The following PCDHA4 variants were observed in gnomAD, a reference collection of about 807,000 sequenced individuals.
PCDHA4 encodes the protein protocadherin alpha-4.
PCDHA4 carries 49 observed loss-of-function variants against 61.4 expected under a neutral mutation model. That is an observed-to-expected ratio of 0.80 (90% CI 0.63 to 1.01). The LOEUF is 1.01. Ranked by LOEUF, PCDHA4 falls within the 50% of genes least tolerant of loss-of-function variation. The pLI is 0.00. For synonymous variants in PCDHA4, 590 were observed against 550.3 expected (o/e 1.07, Z -1.01); for missense variants, 1,254 against 1,235.8 (o/e 1.01, Z -0.22).
chr5:140,807,584 T>G lies in PCDHA4; in HGVS notation c.397T>G (p.Phe133Val), dbSNP rs76522243. The G allele has an allele frequency of 7.3e-5, 118 of 1,614,014 alleles. No individual in the cohort carries two copies. Among genetic ancestry groups the G allele is most frequent in the Non-Finnish European group, 1.0e-4 (118 of 1,180,038 alleles). Residue 133 changes from phenylalanine to valine, a missense_variant, in exon 1 of 4, where the codon TTC becomes GTC. Transcript: ENST00000530339. ...GGACATTAACGATAACCCGCCGGTGTTCCCAGCAACACAAAAGAACCTGTC... is the reference window on the plus strand; with the variant it reads ...GGACATTAACGATAACCCGCCGGTGGTCCCAGCAACACAAAAGAACCTGTC... ...VRDINDNPPV[F>V]PATQKNLSIA...
chr5:140,882,189 T>C, intron 1 of PCDHA4: 2 of 1,519,304 alleles, frequency 1.3e-6, no homozygotes, highest in Admixed American at 2.2e-5. Flanking sequence ...TAGGAAGCCA[T>C]AAAAATTGGG....
At chr5:140,982,191 T>G (rs1431582069) in intron 2 of PCDHA4, among the ~76,000 whole-genome samples, 1 of 152,266 alleles carries the variant, frequency 6.6e-6, no homozygotes, top group African/African-American at 2.4e-5. Context: ...ATGGGCTTCC[T>G]GTTAGATTTA....
Position 140,857,332 on chromosome 5 carries a change from C to T in PCDHA4, c.2385+47760C>T, listed in dbSNP as rs782461373. The stretch of plus-strand genomic sequence containing the variant: ...ATGAGCTGGTGGTGACCGCGCGGGA[C>T]GGGGGCTCGCCTCCGCTGTGGGCCA... On this transcript the variant is annotated intron_variant, in intron 1 of 3. Transcript: ENST00000530339. The T allele has an allele frequency of 1.9e-5, 30 of 1,598,216 alleles. No homozygotes were observed. In the South Asian group the frequency reaches 2.0e-4, roughly 11 times the overall value.
At chr5:140,862,800 G>T (rs782261222) in intron 1 of PCDHA4, 1 of 575,550 alleles carries the variant, frequency 1.7e-6, no homozygotes, top group African/African-American at 2.0e-5. Flanking sequence ...AGGAGCTGGA[G>T]CTGCTGCAGT....
chr5:140,930,404 T>C (rs2086793049), intron 1 of PCDHA4: 1 of 152,170 alleles, frequency 6.6e-6, no homozygotes, highest in African/African-American at 2.4e-5. Flanking sequence ...TTTTTTTTTT[T>C]TGAGACAGGG....
intron 1 of PCDHA4, among the ~76,000 whole-genome samples, chr5:140,896,747 G>C (rs1162214018): frequency 1.3e-5 from 2 of 152,070 alleles, no homozygotes; most frequent in Admixed American, 1.3e-4. Context: ...ATAGATTCTG[G>C]ATATTAGACC....
chr5:140,988,491 AGG>A (rs2097299997), intron 3 of PCDHA4, among the ~76,000 whole-genome samples: 1 of 152,182 alleles, frequency 6.6e-6, no homozygotes, highest in Non-Finnish European at 1.5e-5. Context: ...TCCCCTACCT[AGG>A]AGAAGCCATG....
chr5:140,858,489 C>A, intron 1 of PCDHA4: 1 of 1,498,912 alleles, frequency 6.7e-7, no homozygotes, highest in Non-Finnish European at 9.1e-7. Flanking sequence ...AATATTTTCT[C>A]TTACCGCATT....
At chr5:140,866,033 A>T (rs934159305) in intron 1 of PCDHA4, 9 of 152,168 alleles carry the variant, frequency 5.9e-5, no homozygotes, top group African/African-American at 2.2e-4. Flanking sequence ...GTTCGTGATC[A>T]TCATTATCAT....
At chr5:140,887,241 C>T (rs1215011038) in intron 1 of PCDHA4, among the ~76,000 whole-genome samples, 2 of 151,912 alleles carry the variant, frequency 1.3e-5, no homozygotes, top group African/African-American at 2.4e-5. Flanking sequence ...AGACTACCGG[C>T]GCCCGCCACC....
At chr5:140,829,600 G>T (rs2150170965) in intron 1 of PCDHA4, 2 of 1,612,044 alleles carry the variant, frequency 1.2e-6, no homozygotes, top group Non-Finnish European at 8.5e-7. Flanking sequence ...GCGAGCGCGC[G>T]TTGTCGAGCT....
At chr5:140,830,446 G>A in intron 1 of PCDHA4, 2 of 1,603,094 alleles carry the variant, frequency 1.2e-6, no homozygotes, top group Non-Finnish European at 1.7e-6. Flanking sequence ...TGATGGGTAA[G>A]GCGGAGAATC....
chr5:140,902,203 CTTT>C lies in PCDHA4; in HGVS notation c.2386-76730_2386-76728del, dbSNP rs148688132. ...TTATGTCTTCTCTCTCTCTCTCTTT[CTTT>C]TTTTTTTTTTTTTTTGAGATGAGGA... On this transcript the variant is annotated intron_variant, in intron 1 of 3. Coordinates refer to ENST00000530339, the MANE Select transcript of PCDHA4 (RefSeq NM_018907.4). Among the ~76,000 whole-genome samples, 328 of 124,424 alleles carry C rather than the reference CTTT, an allele frequency of 2.6e-3. 2 individuals are homozygous for C. Among genetic ancestry groups the C allele is most frequent in the Middle Eastern group, 0.017 (4 of 242 alleles). 81.6% of individuals were successfully genotyped at this position (124,424 alleles called of 152,430 possible).
chr5:140,960,299 A>C (rs246005), intron 1 of PCDHA4, among the ~76,000 whole-genome samples: 85,531 of 151,846 alleles, frequency 0.56, 24,685 homozygotes, highest in African/African-American at 0.69. Flanking sequence ...TTTCTTCATC[A>C]ATACCAACCT....
At chr5:140,967,548 C>T (rs782750678) in intron 1 of PCDHA4, 15 of 1,613,922 alleles carry the variant, frequency 9.3e-6, no homozygotes, top group Non-Finnish European at 1.3e-5. Context: ...GACCAGTCCA[C>T]TTATCGCGTC....
intron 1 of PCDHA4, chr5:140,884,143 G>A: frequency 6.2e-7 from 1 of 1,613,438 alleles, no homozygotes; most frequent in Non-Finnish European, 8.5e-7. Context: ...TCCGCGTGGG[G>A]CTGTACACTG....
At chr5:140,914,654 T>C (rs2076794688) in intron 1 of PCDHA4, among the ~76,000 whole-genome samples, 1 of 152,202 alleles carries the variant, frequency 6.6e-6, no homozygotes, top group Non-Finnish European at 1.5e-5. Flanking sequence ...CTCTCCCTTC[T>C]TTCCATCTTC....
intron 1 of PCDHA4, among the ~76,000 whole-genome samples, chr5:140,913,185 G>A (rs1331767738): frequency 2.6e-5 from 4 of 152,166 alleles, no homozygotes; most frequent in African/African-American, 9.7e-5. Flanking sequence ...TAAATGTTTG[G>A]TAGAATTTGG....
rs1214081504 is a variant in PCDHA4, at chr5:140,848,716, T to C, written c.2385+39144T>C. On this transcript the variant is annotated intron_variant, in intron 1 of 3. Coordinates refer to ENST00000530339, the MANE Select transcript of PCDHA4 (RefSeq NM_018907.4). Reference sequence around the variant, plus strand: ...TTGGATTCCAAAGGCCGCGGGGACCTTCTGGAGGTAAATCTGCAGAATGGC... The same window carrying C: ...TTGGATTCCAAAGGCCGCGGGGACCCTCTGGAGGTAAATCTGCAGAATGGC... 1 of 1,592,460 alleles carries C rather than the reference T, an allele frequency of 6.3e-7. No homozygotes were observed.
Sources: gnomAD v4.1 joint callset for allele counts (sites outside exome capture counted in the v4.1 genomes callset) on GRCh38, gnomAD v4.1.1 for gene constraint, MANE v1.5 for transcripts, NCBI Gene and HGNC (gene_info 2026-07-23, HGNC 2026-07-21) for gene names.